Variants in ST18 observed in about 807,000 individuals in gnomAD.
ST18 encodes suppression of tumorigenicity 18 protein.
In ST18, 50 loss-of-function variants were observed where a neutral mutation model predicts 110.0. The observed-to-expected ratio is 0.45, with a 90% CI of 0.36 to 0.58. The LOEUF (loss-of-function observed/expected upper bound fraction) is 0.58, where lower values mean the gene tolerates loss of function less well. Among genes scored for constraint, ST18 ranks in the 20% least tolerant of loss-of-function variants. The pLI, the probability that ST18 is intolerant of heterozygous loss-of-function variation, is 0.00. For synonymous variants in ST18, 461 were observed against 452.4 expected (o/e 1.02, Z -0.24); for missense variants, 1,306 against 1,280.1 (o/e 1.02, Z -0.31).
chr8:52,287,013 T>A (rs1031004962), intron 2 of ST18, among the ~76,000 whole-genome samples: 3 of 152,146 alleles, frequency 2.0e-5, no homozygotes, highest in African/African-American at 7.2e-5. Flanking sequence ...AGCAAAAATC[T>A]ACAATATCCA....
At chr8:52,279,806 C>G (rs1001262941) in intron 2 of ST18, among the ~76,000 whole-genome samples, 2 of 152,078 alleles carry the variant, frequency 1.3e-5, no homozygotes, top group Non-Finnish European at 2.9e-5. Flanking sequence ...TATCTTCAAA[C>G]AAACACAAAT....
rs1463987844 is a variant in ST18 at position 52,112,203 on chromosome 8, A to C, written c.*995T>G. On this transcript the variant is annotated 3_prime_UTR_variant, in exon 26 of 26. Coordinates refer to ENST00000689386, the MANE Select transcript of ST18 (RefSeq NM_001352837.2). ...AGTAAGATAAATGCTATTTCAGGGG[A>C]TATGGTATCTACAAAATTTTTCATT... The C allele has an allele frequency of 6.6e-6, 1 of 152,462 alleles. No homozygotes were observed. The highest frequency in any genetic ancestry group is 2.4e-5 in the African/African-American group (1 of 41,382). 9.4% of individuals were successfully genotyped at this position (152,462 alleles called of 1,614,324 possible). A position where few individuals can be genotyped will look rare whatever the true frequency, so the allele number is the denominator to read the frequency against.
At chr8:52,284,555 A>T (rs1035842944) in intron 2 of ST18, among the ~76,000 whole-genome samples, 1 of 152,128 alleles carries the variant, frequency 6.6e-6, no homozygotes, top group African/African-American at 2.4e-5. Context: ...AGCCAGGAGG[A>T]TACCTGTCCC....
chr8:52,370,776 C>G (rs1054275872), intron 2 of ST18, among the ~76,000 whole-genome samples: 2 of 152,140 alleles, frequency 1.3e-5, no homozygotes, highest in Non-Finnish European at 2.9e-5. Context: ...TACTCATTGT[C>G]TCTTGTCCTT....
At chr8:52,226,754 C>T (rs1007762537) in intron 3 of ST18, among the ~76,000 whole-genome samples, 4 of 152,156 alleles carry the variant, frequency 2.6e-5, no homozygotes, top group Non-Finnish European at 5.9e-5. Flanking sequence ...AATGTCAAAA[C>T]ATTTTTAATA....
intron 5 of ST18, among the ~76,000 whole-genome samples, chr8:52,219,800 A>T (rs537242328): frequency 6.6e-6 from 1 of 152,302 alleles, no homozygotes; most frequent in African/African-American, 2.4e-5. Flanking sequence ...GAAACCTGAG[A>T]CCTGAAACAA....
intron 2 of ST18, among the ~76,000 whole-genome samples, chr8:52,266,708 A>G (rs906828165): frequency 1.1e-4 from 16 of 151,660 alleles, no homozygotes; most frequent in African/African-American, 3.9e-4. Context: ...TGCCTGGTTA[A>G]TTTTTTTGGA....
intron 14 of ST18, among the ~76,000 whole-genome samples, chr8:52,160,539 A>G (rs540503753): frequency 2.3e-4 from 35 of 152,220 alleles, no homozygotes; most frequent in Non-Finnish European, 4.1e-4. Context: ...GAATGTTGTA[A>G]AAAATTCATT....
At chr8:52,118,248 T>C (rs1259558435) in intron 24 of ST18, 90 bp downstream of exon 24, 1 of 840,104 alleles carries the variant, frequency 1.2e-6, no homozygotes, top group East Asian at 2.5e-5. Context: ...AGTTACCATA[T>C]ATTTTCACAC....
chr8:52,235,965 G>C (rs898643184), intron 2 of ST18, among the ~76,000 whole-genome samples: 3 of 151,912 alleles, frequency 2.0e-5, no homozygotes, highest in African/African-American at 7.3e-5. Flanking sequence ...GAAAATACCA[G>C]GAAATAAATA....
intron 17 of ST18, among the ~76,000 whole-genome samples, chr8:52,141,603 G>A (rs1446103936): frequency 6.6e-6 from 1 of 151,896 alleles, no homozygotes; most frequent in Non-Finnish European, 1.5e-5. Flanking sequence ...TCAGGGCTGA[G>A]GGTGGGGAAG....
intron 2 of ST18, among the ~76,000 whole-genome samples, chr8:52,331,860 G>A (rs1180761292): frequency 6.6e-6 from 1 of 152,092 alleles, no homozygotes; most frequent in Non-Finnish European, 1.5e-5. Flanking sequence ...TTCCCATTTA[G>A]CAAGCACTCA....
intron 15 of ST18, among the ~76,000 whole-genome samples, chr8:52,153,493 C>T (rs1309907221): frequency 1.3e-5 from 2 of 152,126 alleles, no homozygotes; most frequent in African/African-American, 4.8e-5. Context: ...AGGGTATTAA[C>T]AGTAAACAGA....
chr8:52,141,693 A>C (rs1657637323), intron 17 of ST18, among the ~76,000 whole-genome samples: 1 of 152,140 alleles, frequency 6.6e-6, no homozygotes, highest in South Asian at 2.1e-4. Context: ...GGCCCTGCAG[A>C]AGCCTTGGGG....
chr8:52,273,484 A>G (rs1387907606), intron 2 of ST18, among the ~76,000 whole-genome samples: 1 of 152,236 alleles, frequency 6.6e-6, no homozygotes, highest in East Asian at 1.9e-4. Context: ...AGAGCACAAT[A>G]GTACGGGTTA....
chr8:52,271,906 G>A (rs754688112), intron 2 of ST18, among the ~76,000 whole-genome samples: 18 of 152,134 alleles, frequency 1.2e-4, no homozygotes, highest in South Asian at 2.1e-4. Flanking sequence ...TATATATTTC[G>A]CCATCAAATC....
rs562806864 is a variant in ST18 at position 52,273,291 on chromosome 8, G to A, written c.-464-43214C>T. Among the ~76,000 whole-genome samples the A allele has an allele frequency of 2.6e-5, 4 of 152,232 alleles. No homozygotes were observed. The East Asian group carries it at 7.7e-4, about 29-fold the overall frequency. On this transcript the variant is annotated intron_variant, in intron 2 of 25. Coordinates refer to ENST00000689386, the MANE Select transcript of ST18 (RefSeq NM_001352837.2). ...TGAGCCCAAATTATACTCACGTGTGGTCAATAAACATTTAGTAGAATAAAT... is the reference window on the plus strand; with the variant it reads ...TGAGCCCAAATTATACTCACGTGTGATCAATAAACATTTAGTAGAATAAAT...
At chr8:52,329,274 G>A (rs1428303478) in intron 2 of ST18, among the ~76,000 whole-genome samples, 2 of 143,890 alleles carry the variant, frequency 1.4e-5, no homozygotes, top group African/African-American at 5.4e-5. Context: ...TCCATCTGTG[G>A]AGAAATGGTA....
chr8:52,150,052 G>A (rs2058419718), intron 15 of ST18, 75 bp from the exon 16 acceptor site: 8 of 1,513,096 alleles, frequency 5.3e-6, no homozygotes, highest in Middle Eastern at 2.0e-4. Context: ...GCTTTTAAGG[G>A]ATCATTTTAA....
Sources: gnomAD v4.1 joint callset for allele counts (sites outside exome capture counted in the v4.1 genomes callset) on GRCh38, gnomAD v4.1.1 for gene constraint, MANE v1.5 for transcripts, NCBI Gene and HGNC (gene_info 2026-07-23, HGNC 2026-07-21) for gene names.